GPHN: variants seen among roughly 807,000 people sequenced by gnomAD.
GPHN encodes gephyrin.
A neutral mutation model predicts 95.5 loss-of-function variants in GPHN; 17 were observed. That is an observed-to-expected ratio of 0.18 (90% CI 0.12 to 0.27). The LOEUF (loss-of-function observed/expected upper bound fraction) is 0.27. GPHN is among the 10% of genes least tolerant of loss of function. The pLI is 1.00. For missense variants in GPHN, 660 were observed against 978.1 expected (o/e 0.67, Z 4.34); for synonymous variants, 320 against 322.5 (o/e 0.99, Z 0.08).
intron 17 of GPHN, among the ~76,000 whole-genome samples, chr14:67,124,997 A>G (rs1329418395): frequency 6.6e-6 from 1 of 152,194 alleles, no homozygotes; most frequent in East Asian, 1.9e-4. Flanking sequence ...ACTCCAAAAT[A>G]TACTTTGAAA....
the GPHN span, among the ~76,000 whole-genome samples, chr14:67,560,753 G>A: frequency 6.7e-5 from 9 of 133,374 alleles, no homozygotes; most frequent in Admixed American, 4.0e-4. Flanking sequence ...TTTTTGAGAC[G>A]GAGTCTCGCT....
chr14:67,536,558 A>G, the GPHN span, among the ~76,000 whole-genome samples: 1 of 151,822 alleles, frequency 6.6e-6, no homozygotes, highest in South Asian at 2.1e-4. Context: ...GATAGAGGCA[A>G]TGAGCTATTT....
chr14:67,603,525 T>C, the GPHN span, among the ~76,000 whole-genome samples: 1 of 152,226 alleles, frequency 6.6e-6, no homozygotes, highest in African/African-American at 2.4e-5. Flanking sequence ...TGTTGCTCTG[T>C]TACTCAGGCT....
intron 19 of GPHN, among the ~76,000 whole-genome samples, chr14:67,163,146 A>T (rs2082064579): frequency 6.6e-6 from 1 of 151,940 alleles, no homozygotes; most frequent in Admixed American, 6.5e-5. Flanking sequence ...CTCTATTAAA[A>T]ATAAAAAAAA....
the GPHN span, chr14:67,574,476 G>A: frequency 5.6e-6 from 7 of 1,252,194 alleles, no homozygotes; most frequent in Admixed American, 2.3e-4. The surrounding 1 kb of genome is among the most constrained non-coding windows in gnomAD (Gnocchi z 4.2). Flanking sequence ...GGGGTGCCGA[G>A]GGTGGTGGGT....
chr14:66,950,829 T>A (rs1352681750), intron 8 of GPHN, among the ~76,000 whole-genome samples: 2 of 152,126 alleles, frequency 1.3e-5, no homozygotes, highest in East Asian at 3.9e-4. Flanking sequence ...AAGTAAACAT[T>A]TTTATCATTT....
intron 1 of GPHN, among the ~76,000 whole-genome samples, chr14:66,597,325 C>G (rs1020650340): frequency 1.3e-5 from 2 of 152,210 alleles, no homozygotes; most frequent in African/African-American, 4.8e-5. Flanking sequence ...TCCCTTTTGT[C>G]TCTTCTGAGC....
At chr14:66,885,410 A>G (rs1186876764) in intron 5 of GPHN, among the ~76,000 whole-genome samples, 1 of 152,176 alleles carries the variant, frequency 6.6e-6, no homozygotes, top group Non-Finnish European at 1.5e-5. Context: ...CTAGTGTGCT[A>G]CTAGCCAACC....
At chr14:66,828,683 T>C (rs1273085331) in intron 4 of GPHN, among the ~76,000 whole-genome samples, 1 of 151,878 alleles carries the variant, frequency 6.6e-6, no homozygotes, top group Non-Finnish European at 1.5e-5. Context: ...AGGATGAAAA[T>C]GATGAATAGG....
chr14:66,629,516 T>A (rs1160072755), intron 1 of GPHN, among the ~76,000 whole-genome samples: 1 of 152,030 alleles, frequency 6.6e-6, no homozygotes, highest in Non-Finnish European at 1.5e-5. Flanking sequence ...AACTTTTTTT[T>A]AATAAGTAGG....
chr14:67,397,811 T>A, the GPHN span: 48 of 1,611,066 alleles, frequency 3.0e-5, 1 homozygote, highest in East Asian at 1.1e-3. Context: ...GCCTTCCAGT[T>A]GTGGACAATG....
Position 66,512,250 on chromosome 14 carries a change from A to G in GPHN, c.64+3659A>G, listed in dbSNP as rs555729540. 6.6e-5 allele frequency among the ~76,000 whole-genome samples: 10 copies of G among 151,900 alleles called. No homozygotes were observed. The South Asian group carries it at 2.1e-3, about 31-fold the overall frequency. On this transcript the variant is annotated intron_variant, in intron 1 of 22. Transcript: ENST00000478722. Reference sequence around the variant, plus strand: ...AGGCTCACTATATCTGGAATATGTCACTCTTCACATACTTTTTTCTATTTT... The same window carrying G: ...AGGCTCACTATATCTGGAATATGTCGCTCTTCACATACTTTTTTCTATTTT...
chr14:67,392,259 G>C, the GPHN span: 1 of 1,062,560 alleles, frequency 9.4e-7, no homozygotes, highest in Admixed American at 1.7e-5. Flanking sequence ...CCTTCTTCTG[G>C]GCTCACTGCT....
intron 1 of GPHN, among the ~76,000 whole-genome samples, chr14:66,569,719 A>G (rs1431445058): frequency 2.3e-5 from 3 of 132,092 alleles, no homozygotes; most frequent in Non-Finnish European, 4.5e-5. Context: ...GGTATACAAC[A>G]TGTTTTGTTA....
intron 1 of GPHN, among the ~76,000 whole-genome samples, chr14:66,535,142 C>G (rs1443095505): frequency 6.6e-6 from 1 of 151,860 alleles, no homozygotes; most frequent in East Asian, 1.9e-4. Flanking sequence ...TGATGCATTT[C>G]AAATTATCTT....
chr14:66,546,214 G>A (rs1296019165), intron 1 of GPHN, among the ~76,000 whole-genome samples: 1 of 151,608 alleles, frequency 6.6e-6, no homozygotes, highest in Non-Finnish European at 1.5e-5. Flanking sequence ...AGATGGGATG[G>A]TGGCTGGGAA....
chr14:67,009,886 G>A (rs1297599497), intron 9 of GPHN, among the ~76,000 whole-genome samples: 1 of 151,790 alleles, frequency 6.6e-6, no homozygotes, highest in Non-Finnish European at 1.5e-5. Flanking sequence ...AGCCTCCCGA[G>A]TAGCTGAGAT....
At chr14:67,332,098 CTTGAGT>C in the GPHN span, among the ~76,000 whole-genome samples, 4 of 152,228 alleles carry the variant, frequency 2.6e-5, no homozygotes, top group Non-Finnish European at 5.9e-5. Flanking sequence ...GACATTTTGT[CTTGAGT>C]TTAAGTTAGT....
intron 3 of GPHN, among the ~76,000 whole-genome samples, chr14:66,791,433 G>A (rs1323672590): frequency 6.6e-6 from 1 of 152,236 alleles, no homozygotes; most frequent in Non-Finnish European, 1.5e-5. Context: ...CCAATGGGCA[G>A]AGCAGCAGCA....
Sources: gnomAD v4.1 joint callset for allele counts (sites outside exome capture counted in the v4.1 genomes callset) on GRCh38, gnomAD v4.1.1 for gene constraint, Gnocchi (gnomAD v3.1) non-coding constraint, MANE v1.5 for transcripts, NCBI Gene and HGNC (gene_info 2026-07-23, HGNC 2026-07-21) for gene names.